KDM4C: variants seen among roughly 807,000 people sequenced by gnomAD.
The protein encoded by KDM4C is lysine-specific demethylase 4C.
KDM4C carries 81 observed loss-of-function variants against 129.3 expected under a neutral mutation model. The observed-to-expected ratio is 0.63, with a 90% CI of 0.52 to 0.75. The LOEUF (loss-of-function observed/expected upper bound fraction) is 0.75. Ranked by LOEUF, KDM4C falls within the 30% of genes least tolerant of loss-of-function variation. The pLI is 0.00. For missense variants in KDM4C, 1,457 were observed against 1,304.0 expected, an observed-to-expected ratio of 1.12 and a Z score of -1.81; for synonymous variants, 573 against 456.1, an observed-to-expected ratio of 1.26 and a Z score of -3.26.
chr9:7,030,494 C>A (rs10975994), intron 15 of KDM4C, among the ~76,000 whole-genome samples: 8,919 of 152,098 alleles, frequency 0.059, 380 homozygotes, highest in African/African-American at 0.11. Context: ...GTAGGTTCAT[C>A]AGTTGTAACA....
chr9:6,975,986 C>T (rs543420709), intron 8 of KDM4C, among the ~76,000 whole-genome samples: 136 of 152,254 alleles, frequency 8.9e-4, no homozygotes, highest in African/African-American at 3.0e-3. Context: ...TGCAGTGAGC[C>T]GAGATTGCGC....
intron 8 of KDM4C, among the ~76,000 whole-genome samples, chr9:6,928,074 C>G (rs979555277): frequency 6.6e-6 from 1 of 152,044 alleles, no homozygotes; most frequent in Non-Finnish European, 1.5e-5. Context: ...CTTTTTTAGC[C>G]CACTCCAGTT....
At chr9:7,108,780 C>A (rs1038058590) in intron 18 of KDM4C, among the ~76,000 whole-genome samples, 13 of 152,136 alleles carry the variant, frequency 8.5e-5, no homozygotes, top group Non-Finnish European at 1.9e-4. Context: ...TAGGCCTCAA[C>A]AATGTGGAAA....
At position 6,793,000 on chromosome 9, in the gene KDM4C, C is replaced by T. The variant is rs762052381; in HGVS notation, c.12C>T (p.Ala4=). MEV[A]EVESPLNPSC... ...CTGCCCTAACCATCATGGAGGTGGC[C>T]GAGGTGGAAAGTCCTCTGAACCCCA... Residue 4 remains alanine (A), a synonymous_variant, in exon 2 of 22, where the codon GCC becomes GCT. Transcript: ENST00000381309. 1.2e-5 allele frequency: 20 copies of T among 1,613,956 alleles called. No individual in the cohort carries two copies. Among genetic ancestry groups the T allele is most frequent in the South Asian group, 8.8e-5 (8 of 91,078 alleles).
chr9:6,740,563 G>GGATCTAGT (rs1817655475), intron 1 of KDM4C, among the ~76,000 whole-genome samples: 1 of 151,728 alleles, frequency 6.6e-6, no homozygotes, highest in African/African-American at 2.4e-5. Context: ...CTGTTGCCCA[G>GGATCTAGT]GATCTAGTGC....
Position 6,939,959 on chromosome 9 carries a change from AACCT to A in KDM4C, c.922-40949_922-40946del, listed in dbSNP as rs1554654089. ...CCCATGTGCTTTAAATCCAATAACC[AACCT>A]ACCTACCTACCTACCTTCCTTCCTT... On this transcript the variant is annotated intron_variant, in intron 8 of 21. Coordinates refer to ENST00000381309, the MANE Select transcript of KDM4C (RefSeq NM_015061.6). Among the ~76,000 whole-genome samples, 259 of 112,466 alleles carry A rather than the reference AACCT, an allele frequency of 2.3e-3. 3 individuals carry two copies. Among genetic ancestry groups the A allele is most frequent in the South Asian group, 7.3e-3 (22 of 3,030 alleles). The allele number at this position is 112,466 out of a possible 152,430, so 73.8% of individuals were successfully genotyped here.
chr9:6,800,106 G>T (rs1369641215), intron 2 of KDM4C, among the ~76,000 whole-genome samples: 1 of 152,182 alleles, frequency 6.6e-6, no homozygotes, highest in South Asian at 2.1e-4. Context: ...AGTGACTCAC[G>T]CCTGTAATCC....
At chr9:6,982,386 G>C (rs1430602542) in intron 9 of KDM4C, 1 of 152,142 alleles carries the variant, frequency 6.6e-6, no homozygotes, top group Admixed American at 6.6e-5. Context: ...GATCGTCAAA[G>C]TGTTTGTTAG....
At chr9:7,066,196 C>T (rs986390764) in intron 17 of KDM4C, among the ~76,000 whole-genome samples, 6 of 152,052 alleles carry the variant, frequency 3.9e-5, no homozygotes, top group African/African-American at 1.2e-4. Context: ...TTAATAAATA[C>T]ATACAGAGCT....
intron 19 of KDM4C, among the ~76,000 whole-genome samples, chr9:7,151,007 A>G (rs538901660): frequency 1.3e-5 from 2 of 152,272 alleles, no homozygotes; most frequent in East Asian, 3.9e-4. Context: ...TTGGAGGGAA[A>G]GTACGTACTA....
rs1309814146 is a variant in KDM4C at position 6,758,006 on chromosome 9, T to A, written c.-215T>A. The A allele has an allele frequency of 1.0e-6, 1 of 985,172 alleles. No individual in the cohort carries two copies. The allele number at this position is 985,172 out of a possible 1,614,324, so 61.0% of individuals were successfully genotyped here. A position where few individuals can be genotyped will look rare whatever the true frequency, so the allele number is the denominator to read the frequency against. On this transcript the variant is annotated 5_prime_UTR_variant, in exon 1 of 22. Coordinates refer to ENST00000381309, the MANE Select transcript of KDM4C (RefSeq NM_015061.6). This position sits in a 1 kb window ranked among gnomAD's most constrained non-coding sequence, Gnocchi z 4.6. Reference sequence around the variant, plus strand: ...CGGTGCGCGCGCCTTCGCCGCTGCCTCCCACCCACCCCCTCGACGGGAGGG... The same window carrying A: ...CGGTGCGCGCGCCTTCGCCGCTGCCACCCACCCACCCCCTCGACGGGAGGG...
At chr9:7,153,911 A>G (rs1168857277) in intron 19 of KDM4C, among the ~76,000 whole-genome samples, 1 of 152,170 alleles carries the variant, frequency 6.6e-6, no homozygotes, top group South Asian at 2.1e-4. Context: ...ATGTGGTGAG[A>G]CTGGACCTAA....
intron 8 of KDM4C, among the ~76,000 whole-genome samples, chr9:6,942,985 C>A (rs1254567431): frequency 6.6e-6 from 1 of 152,132 alleles, no homozygotes; most frequent in East Asian, 1.9e-4. Flanking sequence ...CCCACCTTAG[C>A]CTCCTGAGTA....
chr9:6,909,424 C>G (rs565020288), intron 8 of KDM4C, among the ~76,000 whole-genome samples: 1 of 152,166 alleles, frequency 6.6e-6, no homozygotes, highest in Non-Finnish European at 1.5e-5. Flanking sequence ...ACCATCTGAT[C>G]TAGCACATCC....
chr9:7,064,405 A>T (rs1832127920), intron 17 of KDM4C, among the ~76,000 whole-genome samples: 1 of 152,230 alleles, frequency 6.6e-6, no homozygotes, highest in South Asian at 2.1e-4. Flanking sequence ...AATGTGGAGT[A>T]TGGTGGCTCA....
intron 19 of KDM4C, among the ~76,000 whole-genome samples, chr9:7,137,914 T>C (rs959404904): frequency 1.3e-5 from 2 of 152,248 alleles, no homozygotes; most frequent in African/African-American, 4.8e-5. Context: ...ACTTAGATTC[T>C]TATTCGATAG....
rs202149919 is a variant in KDM4C at position 7,169,900 on chromosome 9, G to A, written c.2994+10G>A. 1.2e-6 allele frequency: 2 copies of A among 1,613,846 alleles called. No homozygotes were observed. Among genetic ancestry groups the A allele is most frequent in the East Asian group, 2.2e-5 (1 of 44,840 alleles). On this transcript the variant is annotated intron_variant, in intron 21 of 21. Coordinates refer to ENST00000381309, the MANE Select transcript of KDM4C (RefSeq NM_015061.6). ...AGTGAAAGCTCGATTTGTAAGTGCT[G>A]GCAGATGCCACTTGGGGACCTGCCA...
chr9:6,732,900 C>G (rs1000917992), intron 1 of KDM4C, among the ~76,000 whole-genome samples: 1 of 152,194 alleles, frequency 6.6e-6, no homozygotes, highest in African/African-American at 2.4e-5. Context: ...GTAGTCCCAG[C>G]TACTGGGGAG....
At chr9:6,894,522 G>A (rs188208584) in intron 8 of KDM4C, among the ~76,000 whole-genome samples, 147 of 152,312 alleles carry the variant, frequency 9.7e-4, no homozygotes, top group Non-Finnish European at 1.8e-3. Context: ...TTTATAGTTT[G>A]CACCTTTACT....
Sources: allele counts gnomAD v4.1 joint callset (sites outside exome capture counted in the v4.1 genomes callset), GRCh38; gene constraint gnomAD v4.1.1; non-coding constraint Gnocchi (gnomAD v3.1); transcripts MANE v1.5; gene names NCBI Gene and HGNC (gene_info 2026-07-23, HGNC 2026-07-21).